The following UNKL variants were observed in gnomAD, a reference collection of about 807,000 sequenced individuals.
UNKL encodes the protein unk like zinc finger.
UNKL carries 60 observed loss-of-function variants against 78.0 expected under a neutral mutation model. That is an observed-to-expected ratio of 0.77 (90% CI 0.63 to 0.95). UNKL has a LOEUF of 0.95. UNKL is among the 40% of genes least tolerant of loss of function. UNKL has a pLI of 0.00. For missense variants in UNKL, 1,159 were observed against 1,045.7 expected (o/e 1.11, Z -1.49); for synonymous variants, 608 against 474.8 (o/e 1.28, Z -3.65).
At chr16:1,398,467 G>A (rs2037371521) in intron 5 of UNKL, 1 of 1,157,118 alleles carries the variant, frequency 8.6e-7, no homozygotes, top group Non-Finnish European at 1.1e-6. Context: ...TTACTCGGAA[G>A]CTGCTCAGAG....
chr16:1,403,598 A>C lies in UNKL; in HGVS notation c.288-254T>G, dbSNP rs1390136860. Reference sequence around the variant, plus strand: ...ACAGTAAGAAACACAGACCATCGCAAACCCCCAGTCAGCCAAACACAGCAG... The same window carrying C: ...ACAGTAAGAAACACAGACCATCGCACACCCCCAGTCAGCCAAACACAGCAG... On this transcript the variant is annotated intron_variant, in intron 2 of 14. Transcript: ENST00000389221. The surrounding 1 kb of genome is among the most constrained non-coding windows in gnomAD (Gnocchi z 4.8). Among the ~76,000 whole-genome samples, 2 of 152,090 alleles carry C rather than the reference A, an allele frequency of 1.3e-5. No individual in the cohort carries two copies. The highest frequency in any genetic ancestry group is 2.9e-5 in the Non-Finnish European group (2 of 68,024).
At chr16:1,369,994 A>T (rs1450489080) in intron 12 of UNKL, 136 bp downstream of exon 12, 1 of 1,551,098 alleles carries the variant, frequency 6.4e-7, no homozygotes, top group Non-Finnish European at 8.7e-7. Flanking sequence ...GGAACCTGTG[A>T]GCAGCAGGTC....
rs1596640843 is a variant in UNKL, at chr16:1,368,106, C to T, written c.1586-248G>A. On this transcript the variant is annotated intron_variant, in intron 12 of 14. Transcript: ENST00000389221. ...ACCAGATCTACGCCTTCCTGGCCACCTGAGGAGTCTAAACAGAGAGGAATT... is the reference window on the plus strand; with the variant it reads ...ACCAGATCTACGCCTTCCTGGCCACTTGAGGAGTCTAAACAGAGAGGAATT... The T allele has an allele frequency of 5.3e-6, 3 of 566,440 alleles. No individual in the cohort carries two copies. In the East Asian group the frequency reaches 9.0e-5, roughly 17 times the overall value. 35.1% of individuals were successfully genotyped at this position (566,440 alleles called of 1,614,324 possible). A position where few individuals can be genotyped will look rare whatever the true frequency, so the allele number is the denominator to read the frequency against.
rs1475668947 is a variant in UNKL, at chr16:1,413,885, T to C, written c.248A>G (p.Lys83Arg). The C allele has an allele frequency of 1.2e-5, 19 of 1,555,312 alleles. No homozygotes were observed. Among genetic ancestry groups the C allele is most frequent in the Non-Finnish European group, 1.6e-5 (18 of 1,149,128 alleles). ...FNYSPDVYCS[K>R]YNEATGVCPD... ...GCACACGCCGGTGGCTTCGTTGTAC[T>C]TGGAGCAGTACACGTCGGGGCTGTA... Residue 83 changes from lysine (K) to arginine (R), a missense_variant, in exon 2 of 15, where the codon AAG becomes AGG. Transcript: ENST00000389221.
chr16:1,397,063 A>T, intron 6 of UNKL, 115 bp downstream of exon 6: 1 of 1,171,604 alleles, frequency 8.5e-7, no homozygotes, highest in Non-Finnish European at 1.2e-6. Flanking sequence ...GACCTGTGCC[A>T]GCCCTCGGCC....
In UNKL at chr16:1,401,555, GCCGTGGAGTTACCTTGCCA is replaced by G. The variant is rs2037528799; in HGVS notation, c.592_598+12del. ...CCCCCCACCACCGCCCTCAGCTGCG[GCCGTGGAGTTACCTTGCCA>G]CCGGGGGTCCTCGCTCAGGATCTTC... On this transcript the variant is annotated splice_donor_variant and splice_donor_5th_base_variant and coding_sequence_variant and intron_variant, in exon 4 of 15. Coordinates refer to ENST00000389221, the MANE Select transcript of UNKL (RefSeq NM_001372107.1). LOFTEE classifies it high-confidence loss of function. 2 of 1,553,650 alleles carry G rather than the reference GCCGTGGAGTTACCTTGCCA, an allele frequency of 1.3e-6. No individual in the cohort carries two copies. The highest frequency in any genetic ancestry group is 1.7e-6 in the Non-Finnish European group (2 of 1,145,714).
intron 10 of UNKL, among the ~76,000 whole-genome samples, chr16:1,374,436 C>A (rs1050284608): frequency 6.6e-6 from 1 of 152,150 alleles, no homozygotes; most frequent in Non-Finnish European, 1.5e-5. Context: ...CCCCCTTCCT[C>A]CTGTCCTCAC....
rs773660387 is a variant in UNKL at position 1,401,751 on chromosome 16, A to G, written c.465-50T>C. Reference sequence around the variant, plus strand: ...ACAGCTCTGCATCTGGAGCCTCCAAAGCTGAAACGAGGTCACTGGAGGGCA... The same window carrying G: ...ACAGCTCTGCATCTGGAGCCTCCAAGGCTGAAACGAGGTCACTGGAGGGCA... On this transcript the variant is annotated intron_variant, in intron 3 of 14. Coordinates refer to ENST00000389221, the MANE Select transcript of UNKL (RefSeq NM_001372107.1). 1.2e-5 allele frequency: 18 copies of G among 1,563,432 alleles called. No homozygotes were observed. The African/African-American group carries it at 2.4e-4, about 21-fold the overall frequency.
chr16:1,368,056 G>A (rs905677249), intron 12 of UNKL, 198 bp from the exon 13 acceptor site: 106 of 599,880 alleles, frequency 1.8e-4, no homozygotes, highest in Non-Finnish European at 2.8e-4. Flanking sequence ...CGCTGACAGT[G>A]ACACCTGCCC....
At chr16:1,394,946 C>T (rs777404434) in intron 6 of UNKL, among the ~76,000 whole-genome samples, 4 of 151,828 alleles carry the variant, frequency 2.6e-5, no homozygotes, top group African/African-American at 7.3e-5. Context: ...CGCAAGATCT[C>T]GGCTCACTGC....
At chr16:1,370,449 C>A in intron 11 of UNKL, 92 bp from the exon 12 acceptor site, 1 of 1,485,976 alleles carries the variant, frequency 6.7e-7, no homozygotes, top group East Asian at 2.6e-5. Context: ...ACGGACCCTG[C>A]AGGTGGTGGT....
chr16:1,367,409 T>G, intron 13 of UNKL, 60 bp from the exon 14 acceptor site: 1 of 1,449,610 alleles, frequency 6.9e-7, no homozygotes, highest in Non-Finnish European at 9.0e-7. Flanking sequence ...GCAGACCCTC[T>G]TGCCTGTGTC....
chr16:1,368,623 A>AC (rs1165199679), intron 12 of UNKL, among the ~76,000 whole-genome samples: 1 of 148,232 alleles, frequency 6.7e-6, no homozygotes, highest in Non-Finnish European at 1.5e-5. Flanking sequence ...AAAAAAAAAA[A>AC]AAAAAAAAAA....
chr16:1,412,826 G>A (rs961356607), intron 2 of UNKL, among the ~76,000 whole-genome samples: 6 of 152,164 alleles, frequency 3.9e-5, no homozygotes, highest in Admixed American at 1.3e-4. Flanking sequence ...GGGAGGCCAA[G>A]GAGGGAGGAT....
rs977590476 is a variant in UNKL, at chr16:1,366,500, G to A, written c.2047-105C>T. ...CAGGACTCAGCATCTCAGGCCGCCCGGCCACCAGCTACAGAGACAGGGTCA... is the reference window on the plus strand; with the variant it reads ...CAGGACTCAGCATCTCAGGCCGCCCAGCCACCAGCTACAGAGACAGGGTCA... On this transcript the variant is annotated intron_variant, in intron 14 of 14. Transcript: ENST00000389221. 3.1e-5 allele frequency: 43 copies of A among 1,369,108 alleles called. 1 individual carries two copies. Among genetic ancestry groups the A allele is most frequent in the African/African-American group, 2.9e-4 (20 of 68,170 alleles). The allele number at this position is 1,369,108 out of a possible 1,614,324, so 84.8% of individuals were successfully genotyped here.
chr16:1,399,435 C>G lies in UNKL; in HGVS notation c.673G>C (p.Ala225Pro), dbSNP rs759498767. 1 of 1,606,284 alleles carries G rather than the reference C, an allele frequency of 6.2e-7. No individual in the cohort carries two copies. Among genetic ancestry groups the G allele is most frequent in the South Asian group, 1.1e-5 (1 of 89,772 alleles). ...CGGCTATTGTGGTAGTGTGGGCACG[C>G]ATAGCCCTGGCGGCACAGGCGTGGC... is the stretch of plus-strand genomic sequence containing the variant. Reference protein sequence around the residue: ...KPPRLCRQGYACPHYHNSRDR... With the variant: ...KPPRLCRQGYPCPHYHNSRDR... The change falls in exon 5 of 15, where the codon GCG becomes CCG. Residue 225 changes from alanine (A) to proline (P), a missense_variant. By Grantham distance (27) the Ala-to-Pro change is conservative (BLOSUM62 -1). Coordinates refer to ENST00000389221, the MANE Select transcript of UNKL (RefSeq NM_001372107.1). This position sits in a 1 kb window ranked among gnomAD's most constrained non-coding sequence, Gnocchi z 5.8.
intron 3 of UNKL, among the ~76,000 whole-genome samples, chr16:1,402,966 T>C (rs1039923117): frequency 6.6e-6 from 1 of 152,128 alleles, no homozygotes; most frequent in Non-Finnish European, 1.5e-5. Context: ...CACTCCAGCC[T>C]GGGTGACAGA....
intron 8 of UNKL, among the ~76,000 whole-genome samples, chr16:1,391,808 C>G (rs1057209394): frequency 4.6e-5 from 7 of 152,306 alleles, no homozygotes; most frequent in African/African-American, 1.7e-4. Context: ...CTGCCTCAGC[C>G]TCTGGAGTAG....
intron 2 of UNKL, among the ~76,000 whole-genome samples, chr16:1,404,280 A>G (rs2142227159): frequency 6.6e-6 from 1 of 152,282 alleles, no homozygotes; most frequent in African/African-American, 2.4e-5. Flanking sequence ...CTCCAGCTCC[A>G]ACTGGGGAGC....
Sources: allele counts gnomAD v4.1 joint callset (sites outside exome capture counted in the v4.1 genomes callset), GRCh38; gene constraint gnomAD v4.1.1; non-coding constraint Gnocchi (gnomAD v3.1); transcripts MANE v1.5; gene names NCBI Gene and HGNC (gene_info 2026-07-23, HGNC 2026-07-21).